Variants in TOR1AIP2 observed in about 807,000 individuals in gnomAD.
The protein encoded by TOR1AIP2 is torsin 1A interacting protein 2.
In TOR1AIP2, 20 loss-of-function variants were observed where a neutral mutation model predicts 32.6. The observed-to-expected ratio is 0.61, with a 90% confidence interval of 0.43 to 0.89. The LOEUF is 0.89. Among genes scored for constraint, TOR1AIP2 ranks in the 40% least tolerant of loss-of-function variants. The pLI is 0.00. For missense variants in TOR1AIP2, 456 were observed against 553.8 expected (o/e 0.82, Z 1.77); for synonymous variants, 214 against 210.8 (o/e 1.02, Z -0.13).
Position 179,852,633 on chromosome 1 carries a change from C to T in TOR1AIP2, c.33G>A (p.Glu11=). 2 of 1,614,014 alleles carry T rather than the reference C, an allele frequency of 1.2e-6. No individual in the cohort carries two copies. The highest frequency in any genetic ancestry group is 1.7e-5 in the Admixed American group (1 of 60,024). ...CAGTGCCAGACAAATCAGTCTTACC[C>T]TCTTGAGGTTCCCTAAGTCCACTGT... is the stretch of plus-strand genomic sequence containing the variant. MADSGLREPQ[E]DSQKDLENDP... is the part of the protein sequence containing the mutation. The change falls in exon 4 of 7, where the codon GAG becomes GAA. Residue 11 remains glutamate (E), a splice_region_variant and synonymous_variant. Transcript: ENST00000609928.
chr1:179,864,291 A>C, intron 3 of TOR1AIP2: 2 of 985,248 alleles, frequency 2.0e-6, no homozygotes, highest in Non-Finnish European at 2.4e-6. Flanking sequence ...TTATATATAT[A>C]TCTCATCACT....
At position 179,847,537 on chromosome 1, in the gene TOR1AIP2, T is replaced by C. The variant is rs1396570387; in HGVS notation, c.653A>G (p.Tyr218Cys). The C allele has an allele frequency of 6.2e-7, 1 of 1,610,348 alleles. No homozygotes were observed. Among genetic ancestry groups the C allele is most frequent in the Non-Finnish European group, 8.5e-7 (1 of 1,176,642 alleles). Reference protein sequence around the residue: ...RQINKKGFWSYGPVILVVLVV... With the variant: ...RQINKKGFWSCGPVILVVLVV... ...AGTAAAACCAGGTTTGTTCTCACCA[T>C]AGCTCCAAAAACCCTTTTTATTAAT... Residue 218 changes from tyrosine (Y) to cysteine (C), a missense_variant and splice_region_variant, in exon 6 of 7, where the codon TAT (tyrosine) becomes TGT (cysteine). Physicochemically the swap from Tyr to Cys is radical, Grantham distance 194. Transcript: ENST00000609928.
intron 6 of TOR1AIP2, 123 bp from the exon 7 acceptor site, chr1:179,846,951 T>A: frequency 1.9e-6 from 2 of 1,036,606 alleles, no homozygotes; most frequent in South Asian, 4.1e-5. Context: ...AAGTTTCTTT[T>A]GCATAAATTG....
Position 179,864,709 on chromosome 1 carries a change from A to AC in TOR1AIP2, c.-147+726_-147+727insG, listed in dbSNP as rs1696695685. The AC allele has an allele frequency of 5.3e-6, 8 of 1,507,328 alleles. No homozygotes were observed. In the South Asian group the frequency reaches 1.1e-4, roughly 21 times the overall value. 93.4% of individuals were successfully genotyped at this position (1,507,328 alleles called of 1,614,324 possible). ...CAATCTGGGTCAGACTTAGAAATGA[A>AC]TTATTTTTCCATCTTCCTTGGGCTA... On this transcript the variant is annotated intron_variant, in intron 3 of 6. Coordinates refer to ENST00000609928, the MANE Select transcript of TOR1AIP2 (RefSeq NM_001199260.2).
chr1:179,860,193 C>T lies in TOR1AIP2; in HGVS notation c.-147+5243G>A, dbSNP rs1377636265. 3.0e-6 allele frequency: 3 copies of T among 985,276 alleles called. No individual in the cohort carries two copies. The African/African-American group carries it at 5.2e-5, about 17-fold the overall frequency. 61.0% of individuals were successfully genotyped at this position (985,276 alleles called of 1,614,324 possible). Reference sequence around the variant, plus strand: ...TCAAACAATTGGCTTAGTTCTAAAACTAAGACTCGGTGGACACGGCGGCTC... The same window carrying T: ...TCAAACAATTGGCTTAGTTCTAAAATTAAGACTCGGTGGACACGGCGGCTC... On this transcript the variant is annotated intron_variant, in intron 3 of 6. Coordinates refer to ENST00000609928, the MANE Select transcript of TOR1AIP2 (RefSeq NM_001199260.2).
intron 3 of TOR1AIP2, chr1:179,864,041 G>A (rs566456604): frequency 6.3e-5 from 62 of 985,376 alleles, no homozygotes; most frequent in East Asian, 2.3e-4. Context: ...AGGGGAGGAC[G>A]TTGTAAATTC....
chr1:179,864,774 A>C (rs750068110), intron 3 of TOR1AIP2: 1 of 1,584,656 alleles, frequency 6.3e-7, no homozygotes, highest in East Asian at 2.2e-5. Context: ...TTTGACTATT[A>C]TAGAAGCTAT....
chr1:179,862,833 CAGG>C (rs1296576267), intron 3 of TOR1AIP2: 1 of 163,368 alleles, frequency 6.1e-6, no homozygotes, highest in Non-Finnish European at 1.2e-5. Flanking sequence ...GAGGCTGAGG[CAGG>C]AGAATTGCTT....
Position 179,866,434 on chromosome 1 carries a change from CAG to C in TOR1AIP2, c.-565-582_-565-581del, listed in dbSNP as rs534966709. On this transcript the variant is annotated intron_variant, in intron 2 of 6. Transcript: ENST00000609928. The stretch of plus-strand genomic sequence containing the variant: ...TGTTTGTTTTTTTTTCTTTTTGAGA[CAG>C]AGTTTCATTCTTGTTGCCCAGGCTG... Among the ~76,000 whole-genome samples, 189 of 151,990 alleles carry C rather than the reference CAG, an allele frequency of 1.2e-3. 1 individual carries two copies. Among genetic ancestry groups the C allele is most frequent in the African/African-American group, 4.3e-3 (179 of 41,474 alleles).
Position 179,841,269 on chromosome 1 carries a change from A to G in TOR1AIP2, c.*4802T>C, listed in dbSNP as rs74379186. 765 of 152,358 alleles carry G rather than the reference A, an allele frequency of 5.0e-3. 6 individuals are homozygous for G. The highest frequency in any genetic ancestry group is 0.017 in the African/African-American group (708 of 41,582). 9.4% of individuals were successfully genotyped at this position (152,358 alleles called of 1,614,324 possible). ...CATGACTTCTCAACAAATACATTTT[A>G]AAATGAAATATGCTCAGGCTGATAA... On this transcript the variant is annotated 3_prime_UTR_variant, in exon 7 of 7. Transcript: ENST00000609928.
intron 3 of TOR1AIP2, chr1:179,861,566 C>T: frequency 1.0e-6 from 1 of 985,332 alleles, no homozygotes. Context: ...TGACACTGAA[C>T]AAAACTGTTT....
chr1:179,863,548 G>C (rs1417151863), intron 3 of TOR1AIP2: 1 of 985,014 alleles, frequency 1.0e-6, no homozygotes, highest in Non-Finnish European at 1.2e-6. Context: ...TGGATCCTAG[G>C]CCGGGTAGGG....
At chr1:179,850,794 C>T (rs1282411233) in intron 5 of TOR1AIP2, 51 bp downstream of exon 5, 1 of 1,557,518 alleles carries the variant, frequency 6.4e-7, no homozygotes, top group East Asian at 2.3e-5. Context: ...GCTGTGTTCT[C>T]AGTTAACAGA....
intron 3 of TOR1AIP2, among the ~76,000 whole-genome samples, chr1:179,857,689 T>G (rs1319804905): frequency 6.6e-6 from 1 of 152,228 alleles, no homozygotes; most frequent in Non-Finnish European, 1.5e-5. Context: ...TTAAGTGCTA[T>G]AAGGCTAACT....
chr1:179,852,653 C>T lies in TOR1AIP2; in HGVS notation c.13G>A (p.Gly5Arg), dbSNP rs769422469. The T allele has an allele frequency of 1.9e-6, 3 of 1,614,040 alleles. No individual in the cohort carries two copies. The highest frequency in any genetic ancestry group is 1.7e-6 in the Non-Finnish European group (2 of 1,179,950). Reference sequence around the variant, plus strand: ...TTACCCTCTTGAGGTTCCCTAAGTCCACTGTCGGCCATGTTTGTGTTCTAT... The same window carrying T: ...TTACCCTCTTGAGGTTCCCTAAGTCTACTGTCGGCCATGTTTGTGTTCTAT... MADSGLREPQEDSQK... is the reference protein window; with the variant it reads MADSRLREPQEDSQK... Residue 5 changes from glycine (G) to arginine (R), a missense_variant, in exon 4 of 7, where the codon GGA (glycine) becomes AGA (arginine). Physicochemically the swap from Gly to Arg is moderately radical, Grantham distance 125 (BLOSUM62 -2). Coordinates refer to ENST00000609928, the MANE Select transcript of TOR1AIP2 (RefSeq NM_001199260.2).
In TOR1AIP2 at chr1:179,844,127, C is replaced by G. The variant is rs772856443; in HGVS notation, c.*1944G>C. 3.3e-5 allele frequency: 5 copies of G among 152,136 alleles called. No homozygotes were observed. The highest frequency in any genetic ancestry group is 7.3e-5 in the Non-Finnish European group (5 of 68,042). The allele number at this position is 152,136 out of a possible 1,614,324, so 9.4% of individuals were successfully genotyped here. ...GGTTTTGTGGATGTAACGCTAGCAT[C>G]TAAGATCTAAAAAGACAGAAAAAAT... On this transcript the variant is annotated 3_prime_UTR_variant, in exon 7 of 7. Coordinates refer to ENST00000609928, the MANE Select transcript of TOR1AIP2 (RefSeq NM_001199260.2).
chr1:179,843,826 A>G lies in TOR1AIP2; in HGVS notation c.*2245T>C, dbSNP rs1431332512. On this transcript the variant is annotated 3_prime_UTR_variant, in exon 7 of 7. Transcript: ENST00000609928. ...TCAGAGTGAGACTCCATCTCAAAAA[A>G]AAAAAAAAAAAAAAAAGACTTTTGA... 6.6e-6 allele frequency: 1 copy of G among 151,706 alleles called. No individual in the cohort carries two copies. The highest frequency in any genetic ancestry group is 2.4e-5 in the African/African-American group (1 of 41,314). 9.4% of individuals were successfully genotyped at this position (151,706 alleles called of 1,614,324 possible). A position where few individuals can be genotyped will look rare whatever the true frequency, so the allele number is the denominator to read the frequency against.
intron 6 of TOR1AIP2, 131 bp downstream of exon 6, chr1:179,847,404 A>G (rs1695950875): frequency 1.4e-6 from 1 of 706,722 alleles, no homozygotes; most frequent in East Asian, 2.7e-5. Context: ...ACTATGTCTC[A>G]CTACCAATCA....
intron 3 of TOR1AIP2, chr1:179,860,003 A>AT: frequency 3.2e-6 from 2 of 629,820 alleles, no homozygotes; most frequent in Non-Finnish European, 4.0e-6. Flanking sequence ...CATCCAGCTA[A>AT]TTTTTTTCTT....
Sources: gnomAD v4.1 joint callset for allele counts (sites outside exome capture counted in the v4.1 genomes callset) on GRCh38, gnomAD v4.1.1 for gene constraint, MANE v1.5 for transcripts, NCBI Gene and HGNC (gene_info 2026-07-23, HGNC 2026-07-21) for gene names.